Variants in CDK19 observed in about 807,000 individuals in gnomAD.
CDK19 encodes cyclin-dependent kinase 19.
Under a neutral mutation model 68.3 loss-of-function variants are expected in CDK19, and 20 were observed. The ratio of observed to expected loss-of-function variants is 0.29; its 90% confidence interval spans 0.21 to 0.43. The LOEUF (loss-of-function observed/expected upper bound fraction) is 0.43. CDK19 is among the 20% of genes least tolerant of loss of function. The probability of loss-of-function intolerance (pLI) is 1.00; values close to 1 mark genes in which losing one functional copy is unlikely to be tolerated. For missense variants in CDK19, 339 were observed against 623.5 expected, an observed-to-expected ratio of 0.54 and a Z score of 4.86; for synonymous variants, 221 against 222.8, an observed-to-expected ratio of 0.99 and a Z score of 0.07.
chr6:110,703,650 G>A (rs1360393096), intron 2 of CDK19, among the ~76,000 whole-genome samples: 2 of 151,992 alleles, frequency 1.3e-5, no homozygotes, highest in Admixed American at 6.6e-5. Context: ...AACCAGCCTT[G>A]ACAACACAGG....
chr6:110,785,685 A>G (rs533869952), intron 1 of CDK19, among the ~76,000 whole-genome samples: 156 of 152,248 alleles, frequency 1.0e-3, no homozygotes, highest in African/African-American at 3.6e-3. Context: ...GTAACTTTAT[A>G]GAAATACATC....
intron 8 of CDK19, among the ~76,000 whole-genome samples, chr6:110,624,766 A>T (rs1325721700): frequency 6.6e-6 from 1 of 152,168 alleles, no homozygotes; most frequent in Admixed American, 6.5e-5. Flanking sequence ...GCTGTGGCAT[A>T]CAAGTCCTTG....
At chr6:110,644,744 C>T (rs569164634) in intron 4 of CDK19, among the ~76,000 whole-genome samples, 2 of 152,146 alleles carry the variant, frequency 1.3e-5, no homozygotes, top group East Asian at 3.9e-4. Context: ...CCAGCGAAAC[C>T]CAAGTCCCTC....
chr6:110,695,152 G>A (rs1478495424), intron 2 of CDK19, among the ~76,000 whole-genome samples: 1 of 151,880 alleles, frequency 6.6e-6, no homozygotes, highest in African/African-American at 2.4e-5. Context: ...AAGGGGAAAG[G>A]AAAGAAGAAA....
rs183789412 is a variant in CDK19 at position 110,641,329 on chromosome 6, C to T, written c.457-2623G>A. 1.9e-3 allele frequency among the ~76,000 whole-genome samples: 296 copies of T among 152,228 alleles called. 1 individual carries two copies. Among genetic ancestry groups the T allele is most frequent in the Non-Finnish European group, 3.2e-3 (216 of 68,026 alleles). On this transcript the variant is annotated intron_variant, in intron 4 of 12. Transcript: ENST00000368911. Reference sequence around the variant, plus strand: ...ACAAGGAAGAGGCTGGGTGCAGTGGCTGACACCTGTAATCCCAGGAACTTT... The same window carrying T: ...ACAAGGAAGAGGCTGGGTGCAGTGGTTGACACCTGTAATCCCAGGAACTTT...
intron 2 of CDK19, among the ~76,000 whole-genome samples, chr6:110,719,398 C>T (rs564966731): frequency 1.8e-4 from 27 of 152,234 alleles, no homozygotes; most frequent in African/African-American, 6.5e-4. Context: ...TATGCCTATG[C>T]CTGCAGTCCC....
intron 1 of CDK19, among the ~76,000 whole-genome samples, chr6:110,811,748 T>G (rs759748594): frequency 9.2e-5 from 14 of 152,136 alleles, no homozygotes; most frequent in Non-Finnish European, 1.8e-4. Context: ...AGAGTAACAT[T>G]TGGCTGGGTG....
intron 1 of CDK19, among the ~76,000 whole-genome samples, chr6:110,776,054 C>G (rs1444721736): frequency 1.3e-5 from 2 of 152,176 alleles, no homozygotes; most frequent in African/African-American, 4.8e-5. Context: ...TGTTATAAAT[C>G]ACAGAGTGCT....
intron 4 of CDK19, among the ~76,000 whole-genome samples, chr6:110,665,210 C>T (rs538454268): frequency 1.3e-5 from 2 of 152,206 alleles, no homozygotes; most frequent in Non-Finnish European, 2.9e-5. Context: ...AGTATAGAGG[C>T]TAGTATCACA....
rs1425167518 is a variant in CDK19, at chr6:110,613,638, G to A, written c.*897C>T. On this transcript the variant is annotated 3_prime_UTR_variant, in exon 13 of 13. Transcript: ENST00000368911. The stretch of plus-strand genomic sequence containing the variant: ...CTTTTCCTTCAAAGGGAAGTAACAC[G>A]TCTTTTGATCAAAATTACTCCTTAC... 4.6e-5 allele frequency: 7 copies of A among 152,536 alleles called. No individual in the cohort carries two copies. The highest frequency in any genetic ancestry group is 7.2e-5 in the African/African-American group (3 of 41,412). The allele number at this position is 152,536 out of a possible 1,614,324, so 9.4% of individuals were successfully genotyped here.
At chr6:110,726,051 C>T (rs1407684004) in intron 2 of CDK19, among the ~76,000 whole-genome samples, 1 of 151,580 alleles carries the variant, frequency 6.6e-6, no homozygotes, top group Non-Finnish European at 1.5e-5. Context: ...ATGGGAACAA[C>T]ATTTTAATAC....
chr6:110,759,148 C>A (rs1034297718), intron 1 of CDK19, among the ~76,000 whole-genome samples: 1 of 151,564 alleles, frequency 6.6e-6, no homozygotes, highest in Non-Finnish European at 1.5e-5. Flanking sequence ...CGCCTATAAT[C>A]CCAGCACTTC....
chr6:110,683,728 A>G (rs1772210757), intron 2 of CDK19, among the ~76,000 whole-genome samples: 1 of 140,456 alleles, frequency 7.1e-6, no homozygotes, highest in African/African-American at 2.7e-5. Flanking sequence ...TTGGAGACAG[A>G]GTCTCACTCT....
chr6:110,744,975 G>C (rs3021297), intron 2 of CDK19, among the ~76,000 whole-genome samples: 150,454 of 152,310 alleles, frequency 0.99, 74,328 homozygotes, highest in Middle Eastern at 1. Flanking sequence ...AAATTAGAGA[G>C]AGAAATCCCT....
At chr6:110,617,255 G>C (rs541723094) in intron 12 of CDK19, among the ~76,000 whole-genome samples, 1 of 152,148 alleles carries the variant, frequency 6.6e-6, no homozygotes, top group East Asian at 1.9e-4. Flanking sequence ...GTAAAAACTG[G>C]ACATAAAGAA....
intron 4 of CDK19, chr6:110,646,105 C>T: frequency 1.1e-6 from 1 of 877,988 alleles, no homozygotes; most frequent in Non-Finnish European, 1.8e-6. Context: ...CAAGGCACCT[C>T]CTTCGAGGTG....
At chr6:110,627,196 C>A in intron 6 of CDK19, 51 bp from the exon 7 acceptor site, 2 of 1,380,892 alleles carry the variant, frequency 1.4e-6, no homozygotes, top group South Asian at 1.3e-5. Context: ...GGTTATAATT[C>A]CTAGATATAA....
intron 12 of CDK19, among the ~76,000 whole-genome samples, chr6:110,616,939 C>T (rs756679165): frequency 7.2e-5 from 11 of 152,012 alleles, no homozygotes; most frequent in East Asian, 3.9e-4. Context: ...GCCAATGTCC[C>T]GCTTTTCAAA....
At chr6:110,740,067 T>C (rs886520144) in intron 2 of CDK19, among the ~76,000 whole-genome samples, 4 of 151,826 alleles carry the variant, frequency 2.6e-5, no homozygotes, top group East Asian at 1.9e-4. Context: ...TCTGCTCTTG[T>C]GGGGGGAAAA....
Sources: allele counts gnomAD v4.1 joint callset (sites outside exome capture counted in the v4.1 genomes callset), GRCh38; gene constraint gnomAD v4.1.1; transcripts MANE v1.5; gene names NCBI Gene and HGNC (gene_info 2026-07-23, HGNC 2026-07-21).